CHSY3: variants seen among roughly 807,000 people sequenced by gnomAD.
CHSY3 encodes the protein chondroitin sulfate synthase 3.
A neutral mutation model predicts 67.2 loss-of-function variants in CHSY3; 35 were observed. The ratio of observed to expected loss-of-function variants is 0.52; its 90% CI spans 0.40 to 0.69. The LOEUF (loss-of-function observed/expected upper bound fraction) is 0.69. Ranked by LOEUF, CHSY3 falls within the 30% of genes least tolerant of loss-of-function variation. CHSY3 has a pLI of 0.00. For missense variants in CHSY3, 1,069 were observed against 1,138.5 expected (o/e 0.94, Z 0.88); for synonymous variants, 474 against 434.7 (o/e 1.09, Z -1.12).
intron 2 of CHSY3, among the ~76,000 whole-genome samples, chr5:129,941,111 G>A (rs1004346690): frequency 1.3e-5 from 2 of 152,096 alleles, no homozygotes; most frequent in Non-Finnish European, 2.9e-5. Flanking sequence ...ATCCCATGTG[G>A]TCCCAGCTAT....
At chr5:130,064,187 G>C (rs1765805848) in intron 2 of CHSY3, among the ~76,000 whole-genome samples, 1 of 152,164 alleles carries the variant, frequency 6.6e-6, no homozygotes, top group Admixed American at 6.5e-5. Flanking sequence ...TTCATCAGTA[G>C]CCCATAAGAT....
intron 2 of CHSY3, among the ~76,000 whole-genome samples, chr5:129,988,048 A>C (rs1421004995): frequency 6.6e-6 from 1 of 152,222 alleles, no homozygotes; most frequent in Non-Finnish European, 1.5e-5. Context: ...GTGAACCAAG[A>C]AATGTGATAA....
At chr5:130,032,002 C>T (rs898145113) in intron 2 of CHSY3, among the ~76,000 whole-genome samples, 27 of 152,208 alleles carry the variant, frequency 1.8e-4, no homozygotes, top group South Asian at 4.1e-4. Context: ...TTTGATAAAT[C>T]AGAGAATGTA....
At chr5:130,046,261 A>G (rs1172916448) in intron 2 of CHSY3, among the ~76,000 whole-genome samples, 1 of 152,100 alleles carries the variant, frequency 6.6e-6, no homozygotes, top group Admixed American at 6.6e-5. Context: ...GGTGAACTAC[A>G]TTATCTATCG....
intron 2 of CHSY3, among the ~76,000 whole-genome samples, chr5:130,005,371 C>T (rs1202062643): frequency 2.6e-5 from 4 of 151,822 alleles, no homozygotes; most frequent in Non-Finnish European, 5.9e-5. Context: ...GCCGAGATTG[C>T]GCCACTGCAC....
intron 2 of CHSY3, 78 bp from the exon 3 acceptor site, chr5:130,184,151 T>G (rs1770335389): frequency 1.6e-6 from 2 of 1,287,050 alleles, no homozygotes; most frequent in South Asian, 5.5e-5. Context: ...TTCATTTAGA[T>G]GCTTTAGTTT....
intron 2 of CHSY3, among the ~76,000 whole-genome samples, chr5:130,176,226 G>T (rs571436910): frequency 2.3e-4 from 35 of 152,126 alleles, no homozygotes; most frequent in African/African-American, 8.4e-4. Flanking sequence ...AGACATTTAT[G>T]CAGCCAACAA....
chr5:130,102,975 GTTAT>G (rs969509589), intron 2 of CHSY3, among the ~76,000 whole-genome samples: 7 of 151,918 alleles, frequency 4.6e-5, no homozygotes, highest in Admixed American at 2.0e-4. Flanking sequence ...GAAAATATGG[GTTAT>G]TTATTTGCCT....
At chr5:130,140,761 G>A in intron 2 of CHSY3, 1 of 237,512 alleles carries the variant, frequency 4.2e-6, no homozygotes, top group Non-Finnish European at 8.0e-6. Context: ...TCACACACAA[G>A]CACAAGCACA....
intron 2 of CHSY3, among the ~76,000 whole-genome samples, chr5:130,179,401 T>C (rs1415976774): frequency 6.6e-6 from 1 of 152,080 alleles, no homozygotes. Flanking sequence ...GATTTCTCTC[T>C]TGTCTGTCAT....
chr5:130,141,031 G>T (rs1768848122), intron 2 of CHSY3: 1 of 308,482 alleles, frequency 3.2e-6, no homozygotes, highest in Admixed American at 5.7e-5. Context: ...ATATTGTCCT[G>T]GTTCATGGTT....
intron 2 of CHSY3, among the ~76,000 whole-genome samples, chr5:130,050,019 A>G (rs1406653487): frequency 6.6e-6 from 1 of 152,090 alleles, no homozygotes; most frequent in African/African-American, 2.4e-5. Flanking sequence ...TAAAGACACC[A>G]TGGAGAAACT....
chr5:129,976,504 G>T (rs896683936), intron 2 of CHSY3, among the ~76,000 whole-genome samples: 1 of 152,094 alleles, frequency 6.6e-6, no homozygotes, highest in Non-Finnish European at 1.5e-5. Flanking sequence ...ACAGTGGATT[G>T]TCTTAGGACG....
intron 2 of CHSY3, among the ~76,000 whole-genome samples, chr5:130,020,501 T>G (rs1764359303): frequency 7.0e-6 from 1 of 142,190 alleles, no homozygotes; most frequent in Non-Finnish European, 1.5e-5. Context: ...TCCACATCCT[T>G]TTGATTAAAG....
rs1475678181 is a variant in CHSY3 at position 130,120,758 on chromosome 5, A to C, written c.1087-63471A>C. 2.0e-5 allele frequency among the ~76,000 whole-genome samples: 3 copies of C among 152,172 alleles called. No individual in the cohort carries two copies. In the East Asian group the frequency reaches 5.8e-4, roughly 29 times the overall value. On this transcript the variant is annotated intron_variant, in intron 2 of 2. Coordinates refer to ENST00000305031, the MANE Select transcript of CHSY3 (RefSeq NM_175856.5). The stretch of plus-strand genomic sequence containing the variant: ...TAATAAAAGAGCTTGGAACAATGAA[A>C]AACAAAAAAGAGAGAGAGAGAAGGA...
At position 130,184,287 on chromosome 5, in the gene CHSY3, T is replaced by C; in HGVS notation, c.1145T>C (p.Leu382Pro). Reference sequence around the variant, plus strand: ...AATCGGAAGGGTTACATCCAAGACCTTCACAATAGCAAAATCCATGCAGCC... The same window carrying C: ...AATCGGAAGGGTTACATCCAAGACCCTCACAATAGCAAAATCCATGCAGCC... ...EHNRKGYIQDLHNSKIHAAIT... is the reference protein window; with the variant it reads ...EHNRKGYIQDPHNSKIHAAIT... Residue 382 changes from leucine (L) to proline (P), a missense_variant, in exon 3 of 3, where the codon CTT (leucine) becomes CCT (proline). Physicochemically the swap from Leu to Pro is moderately conservative, Grantham distance 98 (BLOSUM62 -3). This residue lies in a region of CHSY3 where 216 missense variants were observed against 311.5 expected (regional missense o/e 0.69). Coordinates refer to ENST00000305031, the MANE Select transcript of CHSY3 (RefSeq NM_175856.5). 1 of 1,613,622 alleles carries C rather than the reference T, an allele frequency of 6.2e-7. No homozygotes were observed. Among genetic ancestry groups the C allele is most frequent in the Non-Finnish European group, 8.5e-7 (1 of 1,179,736 alleles).
At chr5:129,961,927 TAA>T (rs942605441) in intron 2 of CHSY3, among the ~76,000 whole-genome samples, 2 of 151,832 alleles carry the variant, frequency 1.3e-5, no homozygotes, top group African/African-American at 4.8e-5. Flanking sequence ...CAGAAGAAAA[TAA>T]AAGTCATTTG....
intron 2 of CHSY3, among the ~76,000 whole-genome samples, chr5:130,101,221 T>A (rs185796530): frequency 9.7e-4 from 148 of 152,352 alleles, no homozygotes; most frequent in African/African-American, 3.4e-3. Context: ...TTGTTGTTTT[T>A]GTATTAATTT....
At chr5:130,058,480 AG>A (rs1554079862) in intron 2 of CHSY3, among the ~76,000 whole-genome samples, 2 of 152,048 alleles carry the variant, frequency 1.3e-5, no homozygotes, top group Non-Finnish European at 2.9e-5. Flanking sequence ...ATACAGAATT[AG>A]TTGGGTGTGG....
Sources: allele counts gnomAD v4.1 joint callset (sites outside exome capture counted in the v4.1 genomes callset), GRCh38; gene constraint gnomAD v4.1.1; regional missense constraint gnomAD v4.1.1; transcripts MANE v1.5; gene names NCBI Gene and HGNC (gene_info 2026-07-23, HGNC 2026-07-21).